Variants in PRDM5 observed in about 807,000 individuals in gnomAD.
PRDM5 encodes the protein PR domain zinc finger protein 5.
PRDM5 carries 56 observed loss-of-function variants against 81.2 expected under a neutral mutation model. That is an observed-to-expected ratio of 0.69 (90% CI 0.56 to 0.86). The LOEUF is 0.86. PRDM5 is among the 40% of genes least tolerant of loss of function. The pLI is 0.00. For synonymous variants in PRDM5, 267 were observed against 256.4 expected, an observed-to-expected ratio of 1.04 and a Z score of -0.39; for missense variants, 697 against 770.1, an observed-to-expected ratio of 0.91 and a Z score of 1.12.
intron 2 of PRDM5, among the ~76,000 whole-genome samples, chr4:120,865,840 T>G (rs1451333250): frequency 6.6e-6 from 1 of 152,158 alleles, no homozygotes; most frequent in Non-Finnish European, 1.5e-5. Flanking sequence ...TGCCTCTTCC[T>G]GACCAAGAGT....
At chr4:120,737,337 A>T (rs1397351420) in intron 14 of PRDM5, among the ~76,000 whole-genome samples, 1 of 152,138 alleles carries the variant, frequency 6.6e-6, no homozygotes, top group Non-Finnish European at 1.5e-5. Context: ...TGCCTCCCAT[A>T]TGGTAAAATG....
chr4:120,725,620 A>G (rs1739283530), intron 14 of PRDM5, among the ~76,000 whole-genome samples: 1 of 151,870 alleles, frequency 6.6e-6, no homozygotes, highest in Admixed American at 6.5e-5. Context: ...TTTGCCCAGG[A>G]CTAGCCTGGT....
At position 120,917,859 on chromosome 4, in the gene PRDM5, A is replaced by C. The variant is rs191484879; in HGVS notation, c.93+4657T>G. Among the ~76,000 whole-genome samples, 263 of 152,306 alleles carry C rather than the reference A, an allele frequency of 1.7e-3. 1 individual carries two copies. The highest frequency in any genetic ancestry group is 6.0e-3 in the African/African-American group (249 of 41,556). On this transcript the variant is annotated intron_variant, in intron 1 of 15. Coordinates refer to ENST00000264808, the MANE Select transcript of PRDM5 (RefSeq NM_018699.4). The stretch of plus-strand genomic sequence containing the variant: ...TATAGCATTTTATCAGAATAGAGAA[A>C]AAACATTTTTAAGGAAAAGTGTATA...
chr4:120,920,275 C>T (rs1002722232), intron 1 of PRDM5, among the ~76,000 whole-genome samples: 6 of 152,206 alleles, frequency 3.9e-5, no homozygotes, highest in Non-Finnish European at 7.3e-5. Context: ...GTTATACAAG[C>T]ATATGTGTTA....
intron 2 of PRDM5, among the ~76,000 whole-genome samples, chr4:120,883,441 A>G (rs956982627): frequency 6.6e-6 from 1 of 152,132 alleles, no homozygotes; most frequent in Non-Finnish European, 1.5e-5. Flanking sequence ...AATTTTCTGC[A>G]CTGCTAATGG....
chr4:120,887,794 T>G (rs146132412), intron 2 of PRDM5, among the ~76,000 whole-genome samples: 19 of 52,768 alleles, frequency 3.6e-4, no homozygotes, highest in South Asian at 1.3e-3. Flanking sequence ...TCCTTTTTTT[T>G]TTTTTTTTTT....
At chr4:120,866,313 G>A (rs1211602711) in intron 2 of PRDM5, among the ~76,000 whole-genome samples, 3 of 152,206 alleles carry the variant, frequency 2.0e-5, no homozygotes, top group South Asian at 4.1e-4. Flanking sequence ...ATTCTCACAT[G>A]AGTCAGATTC....
intron 2 of PRDM5, among the ~76,000 whole-genome samples, chr4:120,862,484 A>C (rs1760714442): frequency 6.6e-6 from 1 of 152,216 alleles, no homozygotes; most frequent in African/African-American, 2.4e-5. Context: ...CCAAGATGAA[A>C]AGTAAGAGAG....
At chr4:120,835,203 G>C (rs1424308505) in intron 3 of PRDM5, among the ~76,000 whole-genome samples, 3 of 152,162 alleles carry the variant, frequency 2.0e-5, no homozygotes, top group Non-Finnish European at 2.9e-5. Flanking sequence ...TTCCTAAAGA[G>C]TGGAAATAGC....
intron 2 of PRDM5, among the ~76,000 whole-genome samples, chr4:120,889,872 A>C (rs114277541): frequency 0.013 from 1,917 of 152,284 alleles, 23 homozygotes; most frequent in Non-Finnish European, 0.019. Context: ...ATGTTGCTAC[A>C]AAGGCATGAT....
intron 13 of PRDM5, among the ~76,000 whole-genome samples, chr4:120,772,630 G>T (rs1747461243): frequency 6.6e-6 from 1 of 152,206 alleles, no homozygotes; most frequent in African/African-American, 2.4e-5. Context: ...CAGTTAAACA[G>T]AATGGCCTCT....
chr4:120,798,973 C>G (rs1751732357), intron 9 of PRDM5, among the ~76,000 whole-genome samples: 1 of 152,120 alleles, frequency 6.6e-6, no homozygotes, highest in Non-Finnish European at 1.5e-5. Context: ...AGGTTTTGAT[C>G]TGATTTTAAT....
chr4:120,690,923 C>A (rs1734024042), downstream of PRDM5, among the ~76,000 whole-genome samples: 1 of 152,024 alleles, frequency 6.6e-6, no homozygotes, highest in African/African-American at 2.4e-5. Context: ...TTTCCTCCTA[C>A]CATGTAGTAT....
chr4:120,886,662 GTATT>G (rs1264401266), intron 2 of PRDM5, among the ~76,000 whole-genome samples: 1 of 152,032 alleles, frequency 6.6e-6, no homozygotes, highest in Non-Finnish European at 1.5e-5. Flanking sequence ...TTTATGCAAT[GTATT>G]TATTCAATAT....
intron 14 of PRDM5, among the ~76,000 whole-genome samples, chr4:120,730,298 C>T (rs551024622): frequency 7.2e-5 from 11 of 152,160 alleles, no homozygotes; most frequent in African/African-American, 1.7e-4. Context: ...GGATATTTTA[C>T]GTATTATATT....
intron 10 of PRDM5, among the ~76,000 whole-genome samples, chr4:120,785,408 T>C (rs184299381): frequency 6.6e-6 from 1 of 152,316 alleles, no homozygotes; most frequent in East Asian, 1.9e-4. Context: ...AAACTGTGCG[T>C]ACTTTCTCTG....
intron 14 of PRDM5, among the ~76,000 whole-genome samples, chr4:120,742,265 A>G (rs912780300): frequency 2.0e-5 from 3 of 152,224 alleles, no homozygotes; most frequent in African/African-American, 7.2e-5. Flanking sequence ...CATCCACACC[A>G]AAAACCCATC....
intron 2 of PRDM5, among the ~76,000 whole-genome samples, chr4:120,880,019 T>G (rs1762688050): frequency 6.6e-6 from 1 of 152,046 alleles, no homozygotes; most frequent in Admixed American, 6.6e-5. Context: ...AAACTATAGA[T>G]CTCAATAATA....
At position 120,785,038 on chromosome 4, in the gene PRDM5, C is replaced by G. The variant is rs1272871241; in HGVS notation, c.1242G>C (p.Arg414=). 2 of 1,611,534 alleles carry G rather than the reference C, an allele frequency of 1.2e-6. No homozygotes were observed. The highest frequency in any genetic ancestry group is 1.3e-5 in the African/African-American group (1 of 74,768). ...FQCEECKALF[R]TPFSLQRHLL... is the part of the protein sequence containing the mutation. The stretch of plus-strand genomic sequence containing the variant: ...GGTGTCTCTGTAAAGAAAATGGGGT[C>G]CGGAACAAAGCTTTACATTCTTCAC... Residue 414 remains arginine, a synonymous_variant, in exon 11 of 16, where the codon CGG becomes CGC. Transcript: ENST00000264808.
Sources: gnomAD v4.1 joint callset for allele counts (sites outside exome capture counted in the v4.1 genomes callset) on GRCh38, gnomAD v4.1.1 for gene constraint, MANE v1.5 for transcripts, NCBI Gene and HGNC (gene_info 2026-07-23, HGNC 2026-07-21) for gene names.